Variants in KCNK10 observed in about 807,000 individuals in gnomAD.
The protein encoded by KCNK10 is potassium two pore domain channel subfamily K member 10, also known as potassium channel subfamily K member 10.
A neutral mutation model predicts 47.7 loss-of-function variants in KCNK10; 25 were observed. The observed-to-expected ratio is 0.52, with a 90% CI of 0.38 to 0.73. The LOEUF is 0.73. Among genes scored for constraint, KCNK10 ranks in the 30% least tolerant of loss-of-function variants. The probability of loss-of-function intolerance (pLI) is 0.00; values close to 1 mark genes in which losing one functional copy is unlikely to be tolerated. For missense variants in KCNK10, 563 were observed against 714.5 expected, an observed-to-expected ratio of 0.79 and a Z score of 2.42; for synonymous variants, 303 against 285.6, an observed-to-expected ratio of 1.06 and a Z score of -0.61.
intron 1 of KCNK10, among the ~76,000 whole-genome samples, chr14:88,318,661 T>C (rs900241056): frequency 2.0e-5 from 3 of 152,090 alleles, no homozygotes; most frequent in Non-Finnish European, 4.4e-5. Flanking sequence ...GTGTGATCTA[T>C]TTGAGGAATG....
rs746086569 is a variant in KCNK10 at position 88,263,467 on chromosome 14, G to T, written c.137C>A (p.Pro46Gln). ...GGCTCGGGAGGAAATGGACAGGCGCGGAGTTGGAGTCGGAGCCGGAGCCGG... is the reference window on the plus strand; with the variant it reads ...GGCTCGGGAGGAAATGGACAGGCGCTGAGTTGGAGTCGGAGCCGGAGCCGG... The part of the protein sequence containing the change: ...QPPAPAPTPT[P>Q]RLSISSRATV... Residue 46 changes from proline to glutamine, a missense_variant, in exon 2 of 7, where the codon CCG (proline) becomes CAG (glutamine). Pro to Gln is a moderately conservative substitution (Grantham distance 76). Transcript: ENST00000319231. 1 of 1,614,074 alleles carries T rather than the reference G, an allele frequency of 6.2e-7. No individual in the cohort carries two copies. Among genetic ancestry groups the T allele is most frequent in the Non-Finnish European group, 8.5e-7 (1 of 1,180,046 alleles).
chr14:88,295,804 A>G (rs984120363), intron 1 of KCNK10, among the ~76,000 whole-genome samples: 2 of 152,294 alleles, frequency 1.3e-5, no homozygotes, highest in African/African-American at 4.8e-5. Flanking sequence ...TTAGCTCCCA[A>G]CTATGGACTG....
At chr14:88,297,004 T>C (rs947667372) in intron 1 of KCNK10, among the ~76,000 whole-genome samples, 1 of 152,212 alleles carries the variant, frequency 6.6e-6, no homozygotes, top group African/African-American at 2.4e-5. Context: ...TTCAGAAGGG[T>C]AAATAATTCA....
intron 1 of KCNK10, among the ~76,000 whole-genome samples, chr14:88,297,562 A>G (rs954976265): frequency 3.3e-5 from 5 of 152,170 alleles, no homozygotes; most frequent in African/African-American, 1.2e-4. Flanking sequence ...CTTTAACAGT[A>G]ACTTCTCCTT....
chr14:88,258,361 G>A (rs900672939), intron 2 of KCNK10, among the ~76,000 whole-genome samples: 4 of 149,670 alleles, frequency 2.7e-5, no homozygotes, highest in Non-Finnish European at 5.9e-5. Flanking sequence ...CACCATCTCA[G>A]CTCACTGTAA....
intron 1 of KCNK10, among the ~76,000 whole-genome samples, chr14:88,321,609 G>C (rs1413731129): frequency 6.6e-6 from 1 of 152,010 alleles, no homozygotes; most frequent in African/African-American, 2.4e-5. Flanking sequence ...AGAAGGTTTG[G>C]GCTGTATTTA....
intron 2 of KCNK10, among the ~76,000 whole-genome samples, chr14:88,241,523 C>G (rs547555328): frequency 9.9e-5 from 15 of 152,226 alleles, no homozygotes; most frequent in Admixed American, 9.2e-4. Context: ...ACACATCGCT[C>G]TTTTTAAAAA....
intron 2 of KCNK10, among the ~76,000 whole-genome samples, chr14:88,243,057 G>A (rs148644911): frequency 7.4e-4 from 112 of 152,292 alleles, no homozygotes; most frequent in African/African-American, 2.5e-3. Context: ...CAATGGGGAC[G>A]ATGATTTGTT....
intron 3 of KCNK10, 105 bp from the exon 4 acceptor site, chr14:88,227,640 G>A: frequency 9.6e-7 from 1 of 1,042,714 alleles, no homozygotes; most frequent in South Asian, 1.7e-5. Flanking sequence ...CACCTTATGA[G>A]CTTCAGGGAG....
intron 2 of KCNK10, among the ~76,000 whole-genome samples, chr14:88,257,158 GT>G (rs1341554195): frequency 2.0e-5 from 3 of 152,144 alleles, no homozygotes; most frequent in African/African-American, 7.2e-5. Context: ...CACCTGTGAT[GT>G]TGCAACATTC....
rs1884302398 is a variant in KCNK10 at position 88,180,389 on chromosome 14, C to A, written c.*5146G>T. On this transcript the variant is annotated 3_prime_UTR_variant, in exon 7 of 7. Transcript: ENST00000319231. ...GTCACTGGGTCCCCTGTCTGTGACTCTGGGATGGGAAGGAGGCCAGAGGCT... is the reference window on the plus strand; with the variant it reads ...GTCACTGGGTCCCCTGTCTGTGACTATGGGATGGGAAGGAGGCCAGAGGCT... 1 of 162,770 alleles carries A rather than the reference C, an allele frequency of 6.1e-6. No individual in the cohort carries two copies. The highest frequency in any genetic ancestry group is 2.4e-5 in the African/African-American group (1 of 41,852). The allele number at this position is 162,770 out of a possible 1,614,324, so 10.1% of individuals were successfully genotyped here. A position where few individuals can be genotyped will look rare whatever the true frequency, so the allele number is the denominator to read the frequency against.
intron 2 of KCNK10, among the ~76,000 whole-genome samples, chr14:88,259,705 C>T (rs1887055959): frequency 6.6e-6 from 1 of 152,228 alleles, no homozygotes; most frequent in Admixed American, 6.5e-5. Context: ...AATCCATCCG[C>T]CTTGGCCCCC....
At chr14:88,200,782 C>T (rs962036129) in intron 4 of KCNK10, among the ~76,000 whole-genome samples, 4 of 152,236 alleles carry the variant, frequency 2.6e-5, no homozygotes, top group East Asian at 3.9e-4. Flanking sequence ...GTGAGTAAAA[C>T]AAAATGGCCC....
chr14:88,306,270 C>T (rs1310656320), intron 1 of KCNK10, among the ~76,000 whole-genome samples: 3 of 152,148 alleles, frequency 2.0e-5, no homozygotes, highest in Non-Finnish European at 4.4e-5. Flanking sequence ...CATGTACTTT[C>T]AGCTAATTAT....
At chr14:88,295,614 C>T (rs1010917641) in intron 1 of KCNK10, among the ~76,000 whole-genome samples, 2 of 152,016 alleles carry the variant, frequency 1.3e-5, no homozygotes, top group Non-Finnish European at 2.9e-5. Context: ...GGGCCGGGAT[C>T]GTGCCATTGT....
chr14:88,292,426 T>C (rs1004335203), intron 1 of KCNK10, among the ~76,000 whole-genome samples: 1 of 152,074 alleles, frequency 6.6e-6, no homozygotes, highest in Admixed American at 6.5e-5. Flanking sequence ...CTCGGCTCAA[T>C]ATAAACTCTG....
In KCNK10 at chr14:88,240,806, A is replaced by G. The variant is rs1407353342; in HGVS notation, c.417T>C (p.Ala139=). The G allele has an allele frequency of 1.2e-6, 2 of 1,605,880 alleles. No homozygotes were observed. The highest frequency in any genetic ancestry group is 2.7e-5 in the African/African-American group (2 of 74,774). Reference sequence around the variant, plus strand: ...CTATTGGACTGACTCCCGCATTGTCAGCATCAAGAGCATGCTGCAAAGAAA... The same window carrying G: ...CTATTGGACTGACTCCCGCATTGTCGGCATCAAGAGCATGCTGCAAAGAAA... ...LETLIQHALD[A]DNAGVSPIGN... is the part of the protein sequence containing the mutation. Residue 139 remains alanine (A), a synonymous_variant, in exon 3 of 7, where the codon GCT becomes GCC. Coordinates refer to ENST00000319231, the MANE Select transcript of KCNK10 (RefSeq NM_138317.3).
upstream of KCNK10, among the ~76,000 whole-genome samples, chr14:88,324,619 T>C (rs944369896): frequency 6.6e-6 from 1 of 152,236 alleles, no homozygotes; most frequent in African/African-American, 2.4e-5. Flanking sequence ...TGGGGCTTAC[T>C]ATCTAGTGCC....
chr14:88,181,725 T>C lies in KCNK10; in HGVS notation c.*3810A>G, dbSNP rs1357473027. The C allele has an allele frequency of 2.6e-5, 4 of 152,254 alleles. No homozygotes were observed. Among genetic ancestry groups the C allele is most frequent in the Non-Finnish European group, 5.9e-5 (4 of 68,026 alleles). The allele number at this position is 152,254 out of a possible 1,614,324, so 9.4% of individuals were successfully genotyped here. On this transcript the variant is annotated 3_prime_UTR_variant, in exon 7 of 7. Coordinates refer to ENST00000319231, the MANE Select transcript of KCNK10 (RefSeq NM_138317.3). Reference sequence around the variant, plus strand: ...AGACAAATCCCAAAGGGCAAGAGACTAAGCTCTCACCTTAACCTAAAATGG... The same window carrying C: ...AGACAAATCCCAAAGGGCAAGAGACCAAGCTCTCACCTTAACCTAAAATGG...
Sources: allele counts gnomAD v4.1 joint callset (sites outside exome capture counted in the v4.1 genomes callset), GRCh38; gene constraint gnomAD v4.1.1; transcripts MANE v1.5; gene names NCBI Gene and HGNC (gene_info 2026-07-23, HGNC 2026-07-21).